MAGI2: variants seen among roughly 807,000 people sequenced by gnomAD.
MAGI2 encodes membrane-associated guanylate kinase, WW and PDZ domain-containing protein 2.
MAGI2 carries 35 observed loss-of-function variants against 133.3 expected under a neutral mutation model. The observed-to-expected ratio is 0.26, with a 90% CI of 0.20 to 0.35. The LOEUF (loss-of-function observed/expected upper bound fraction) is 0.35, where lower values mean the gene tolerates loss of function less well. Ranked by LOEUF, MAGI2 falls within the 10% of genes least tolerant of loss-of-function variation. The pLI is 1.00. For missense variants in MAGI2, 1,636 were observed against 1,863.4 expected, an observed-to-expected ratio of 0.88 and a Z score of 2.25; for synonymous variants, 729 against 710.6, an observed-to-expected ratio of 1.03 and a Z score of -0.41.
intron 6 of MAGI2, among the ~76,000 whole-genome samples, chr7:78,404,803 A>G (rs932794502): frequency 1.3e-5 from 2 of 151,996 alleles, no homozygotes; most frequent in Non-Finnish European, 2.9e-5. Flanking sequence ...GGCAACAAAA[A>G]CCAAAATTGA....
chr7:78,238,897 T>C (rs983409577), intron 10 of MAGI2, among the ~76,000 whole-genome samples: 1 of 152,216 alleles, frequency 6.6e-6, no homozygotes, highest in African/African-American at 2.4e-5. Flanking sequence ...ATTACTTGCC[T>C]CCCTCCACCT....
chr7:78,838,259 C>T (rs1455938149), intron 2 of MAGI2, among the ~76,000 whole-genome samples: 1 of 151,928 alleles, frequency 6.6e-6, no homozygotes, highest in Non-Finnish European at 1.5e-5. Context: ...TCCTAAAAGA[C>T]AGATATAAAT....
chr7:78,051,506 A>G, intron 21 of MAGI2, among the ~76,000 whole-genome samples: 1 of 151,978 alleles, frequency 6.6e-6, no homozygotes. Flanking sequence ...GCTTGAGGAG[A>G]GGTTTGAGAA....
intron 6 of MAGI2, among the ~76,000 whole-genome samples, chr7:78,477,352 A>C (rs1287628797): frequency 6.6e-6 from 1 of 152,028 alleles, no homozygotes; most frequent in Non-Finnish European, 1.5e-5. Flanking sequence ...TTGTAAGAAC[A>C]CTGAATGTAA....
Position 78,670,011 on chromosome 7 carries a change from A to C in MAGI2, c.419-42772T>G, listed in dbSNP as rs369448002. 2.0e-3 allele frequency among the ~76,000 whole-genome samples: 299 copies of C among 149,716 alleles called. 3 individuals carry two copies. Among genetic ancestry groups the C allele is most frequent in the Middle Eastern group, 6.8e-3 (2 of 294 alleles). On this transcript the variant is annotated intron_variant, in intron 2 of 21. Transcript: ENST00000354212. Reference sequence around the variant, plus strand: ...GAAGCATTCCCTTTGAAAACTGGCAAAAGACAGGGATGCCCTCTCTCACCA... The same window carrying C: ...GAAGCATTCCCTTTGAAAACTGGCACAAGACAGGGATGCCCTCTCTCACCA...
chr7:79,448,117 C>A (rs1040204067), intron 1 of MAGI2, among the ~76,000 whole-genome samples: 4 of 151,586 alleles, frequency 2.6e-5, no homozygotes, highest in African/African-American at 9.7e-5. Context: ...ATGAAGAAAA[C>A]AAATTACTAT....
chr7:78,380,543 TG>T (rs1794827821), intron 6 of MAGI2, among the ~76,000 whole-genome samples: 3 of 151,946 alleles, frequency 2.0e-5, no homozygotes, highest in Non-Finnish European at 2.9e-5. Context: ...AGCTAAAACT[TG>T]AAACAACCGA....
chr7:78,897,373 G>A (rs1046800279), intron 2 of MAGI2, among the ~76,000 whole-genome samples: 1 of 152,120 alleles, frequency 6.6e-6, no homozygotes, highest in African/African-American at 2.4e-5. Flanking sequence ...TTCTTAGAAG[G>A]TTTCTTACCC....
At chr7:78,654,307 T>C (rs1183301954) in intron 2 of MAGI2, among the ~76,000 whole-genome samples, 1 of 152,144 alleles carries the variant, frequency 6.6e-6, no homozygotes, top group East Asian at 1.9e-4. Flanking sequence ...GAGGATTAAA[T>C]TGGTAACATT....
chr7:78,372,062 T>C (rs1489704723), intron 6 of MAGI2, among the ~76,000 whole-genome samples: 2 of 5,192 alleles, frequency 3.9e-4, no homozygotes, highest in Non-Finnish European at 7.0e-4. Context: ...GTTTAAAAAG[T>C]TGTATGTATA....
chr7:78,102,154 T>G (rs1417748436), intron 20 of MAGI2, among the ~76,000 whole-genome samples: 1 of 151,660 alleles, frequency 6.6e-6, no homozygotes, highest in African/African-American at 2.4e-5. Flanking sequence ...CCTTAAAAAG[T>G]GAAACTTAGA....
At chr7:78,608,438 CAT>C (rs1242129853) in intron 3 of MAGI2, among the ~76,000 whole-genome samples, 1 of 149,694 alleles carries the variant, frequency 6.7e-6, no homozygotes, top group African/African-American at 2.5e-5. Context: ...AATGTGTGTG[CAT>C]ATATATATGT....
chr7:79,079,540 C>T (rs1225698297), intron 1 of MAGI2, among the ~76,000 whole-genome samples: 2 of 152,144 alleles, frequency 1.3e-5, no homozygotes, highest in Non-Finnish European at 2.9e-5. Context: ...ATAGTGCTTT[C>T]AGGCTCTAAT....
In MAGI2 at chr7:78,794,729, T is replaced by C. The variant is rs184541152; in HGVS notation, c.419-167490A>G. On this transcript the variant is annotated intron_variant, in intron 2 of 21. Transcript: ENST00000354212. ...GTATCTTATTTTCTCTACTGATCAA[T>C]TGGAGTGTTTTATGGAATAAAATAA... 2.3e-4 allele frequency among the ~76,000 whole-genome samples: 35 copies of C among 152,264 alleles called. No homozygotes were observed. In the East Asian group the frequency reaches 4.4e-3, roughly 19 times the overall value.
At chr7:78,479,389 A>G (rs1209333203) in intron 6 of MAGI2, among the ~76,000 whole-genome samples, 4 of 151,892 alleles carry the variant, frequency 2.6e-5, no homozygotes, top group Non-Finnish European at 5.9e-5. Context: ...GTGGGCAGAG[A>G]TAAGAGGCCA....
chr7:78,934,528 C>T (rs745732782), intron 2 of MAGI2, among the ~76,000 whole-genome samples: 3 of 152,086 alleles, frequency 2.0e-5, no homozygotes, highest in South Asian at 2.1e-4. Context: ...GGAATGATGG[C>T]GATACCAAAC....
chr7:78,883,735 T>TA (rs979277870), intron 2 of MAGI2, among the ~76,000 whole-genome samples: 4 of 151,796 alleles, frequency 2.6e-5, no homozygotes, highest in South Asian at 2.1e-4. Flanking sequence ...TGCTAAAGTA[T>TA]AAAAAAAAGC....
chr7:79,360,038 C>T (rs1842284805), intron 1 of MAGI2, among the ~76,000 whole-genome samples: 1 of 152,066 alleles, frequency 6.6e-6, no homozygotes, highest in Admixed American at 6.6e-5. Flanking sequence ...CAGAATTATC[C>T]ATTTCAAAAA....
At chr7:78,073,673 C>T (rs1814963202) in intron 21 of MAGI2, among the ~76,000 whole-genome samples, 1 of 152,210 alleles carries the variant, frequency 6.6e-6, no homozygotes, top group Non-Finnish European at 1.5e-5. Flanking sequence ...GACTCTGTGG[C>T]TCAGTTGATA....
Sources: allele counts gnomAD v4.1 joint callset (sites outside exome capture counted in the v4.1 genomes callset), GRCh38; gene constraint gnomAD v4.1.1; transcripts MANE v1.5; gene names NCBI Gene and HGNC (gene_info 2026-07-23, HGNC 2026-07-21).